ZNF385B: variants seen among roughly 807,000 people sequenced by gnomAD.
ZNF385B encodes the protein zinc finger protein 385B.
A neutral mutation model predicts 39.2 loss-of-function variants in ZNF385B; 23 were observed. That is an observed-to-expected ratio of 0.59 (90% CI 0.42 to 0.83). ZNF385B has a LOEUF of 0.83. Among genes scored for constraint, ZNF385B ranks in the 40% least tolerant of loss-of-function variants. The pLI is 0.00. For synonymous variants in ZNF385B, 205 were observed against 222.6 expected (o/e 0.92, Z 0.70); for missense variants, 552 against 598.9 (o/e 0.92, Z 0.82).
intron 3 of ZNF385B, among the ~76,000 whole-genome samples, chr2:179,622,662 A>C (rs895594174): frequency 1.3e-5 from 2 of 152,324 alleles, no homozygotes; most frequent in South Asian, 4.1e-4. Flanking sequence ...TATAAGAATA[A>C]AAATTTTTAA....
At chr2:179,800,958 C>T (rs902650932) in intron 1 of ZNF385B, among the ~76,000 whole-genome samples, 2 of 151,978 alleles carry the variant, frequency 1.3e-5, no homozygotes, top group Non-Finnish European at 2.9e-5. Flanking sequence ...CATCTGTTAC[C>T]CAATTCATAA....
chr2:179,755,627 G>C (rs1422862097), intron 3 of ZNF385B, among the ~76,000 whole-genome samples: 1 of 152,174 alleles, frequency 6.6e-6, no homozygotes, highest in East Asian at 1.9e-4. Context: ...TGTATTGGGT[G>C]CATATATATT....
At position 179,550,322 on chromosome 2, in the gene ZNF385B, G is replaced by C. The variant is rs2060487801; in HGVS notation, c.299-5353C>G. Among the ~76,000 whole-genome samples the C allele has an allele frequency of 1.3e-5, 2 of 149,360 alleles. 1 individual carries two copies. Among genetic ancestry groups the C allele is most frequent in the African/African-American group, 5.0e-5 (2 of 39,604 alleles). ...GTAATACATGGCTCCCTAGGGCCTG[G>C]TGAGAGTCACTTTGTAATAACAAAC... On this transcript the variant is annotated intron_variant, in intron 3 of 9. Coordinates refer to ENST00000410066, the MANE Select transcript of ZNF385B (RefSeq NM_152520.6).
chr2:179,482,267 A>C (rs1057081144), intron 6 of ZNF385B, among the ~76,000 whole-genome samples: 4 of 152,206 alleles, frequency 2.6e-5, no homozygotes, highest in African/African-American at 7.2e-5. Context: ...TCCTTCAAAA[A>C]TTCTCCAATG....
intron 3 of ZNF385B, among the ~76,000 whole-genome samples, chr2:179,709,423 G>A (rs1190155535): frequency 1.3e-5 from 2 of 152,148 alleles, no homozygotes; most frequent in Admixed American, 1.3e-4. Context: ...AATGGTAGTA[G>A]GGCACCCCCT....
chr2:179,733,444 T>C (rs1701524870), intron 3 of ZNF385B, among the ~76,000 whole-genome samples: 1 of 152,220 alleles, frequency 6.6e-6, no homozygotes, highest in Non-Finnish European at 1.5e-5. Flanking sequence ...TTCTTTTTAA[T>C]GTGAATATAT....
chr2:179,681,922 T>G (rs2106326513), intron 3 of ZNF385B, among the ~76,000 whole-genome samples: 1 of 152,338 alleles, frequency 6.6e-6, no homozygotes, highest in East Asian at 1.9e-4. Context: ...ATGCCTATAA[T>G]CTTGTAAGAT....
chr2:179,519,299 T>G (rs2058318664), intron 4 of ZNF385B, among the ~76,000 whole-genome samples: 1 of 152,226 alleles, frequency 6.6e-6, no homozygotes, highest in Non-Finnish European at 1.5e-5. Context: ...GCACAGAAAG[T>G]ATTGACTGAA....
chr2:179,733,894 G>C (rs554335954), intron 3 of ZNF385B, among the ~76,000 whole-genome samples: 1 of 151,802 alleles, frequency 6.6e-6, no homozygotes, highest in East Asian at 1.9e-4. Context: ...CCATTCCCCA[G>C]TCTCCCATGA....
At chr2:179,568,167 T>A (rs888350451) in intron 3 of ZNF385B, among the ~76,000 whole-genome samples, 4 of 152,286 alleles carry the variant, frequency 2.6e-5, no homozygotes, top group East Asian at 3.9e-4. Flanking sequence ...ACACATCACA[T>A]TCACTCTGTC....
In ZNF385B at chr2:179,782,912, G is replaced by A. The variant is rs565430783; in HGVS notation, c.-154-12240C>T. On this transcript the variant is annotated intron_variant, in intron 1 of 9. Coordinates refer to ENST00000410066, the MANE Select transcript of ZNF385B (RefSeq NM_152520.6). ...CATTCAAATGGCTATACTGCCCAAA[G>A]CAATTTACAGATTCAACGCTATTCC... Among the ~76,000 whole-genome samples, 3 of 152,280 alleles carry A rather than the reference G, an allele frequency of 2.0e-5. No individual in the cohort carries two copies. The South Asian group carries it at 6.2e-4, about 32-fold the overall frequency.
chr2:179,580,318 A>G (rs1049587852), intron 3 of ZNF385B, among the ~76,000 whole-genome samples: 3 of 152,192 alleles, frequency 2.0e-5, no homozygotes, highest in Non-Finnish European at 4.4e-5. Context: ...AGAGTTTAGG[A>G]AGCCACTAAC....
rs555257685 is a variant in ZNF385B at position 179,707,429 on chromosome 2, T to C, written c.298+62074A>G. On this transcript the variant is annotated intron_variant, in intron 3 of 9. Transcript: ENST00000410066. ...GCTGTGGGCTGCAAGGAAGCCTGGCTAAATGAGAGCAACATCCTCACATCT... is the reference window on the plus strand; with the variant it reads ...GCTGTGGGCTGCAAGGAAGCCTGGCCAAATGAGAGCAACATCCTCACATCT... Among the ~76,000 whole-genome samples the C allele has an allele frequency of 5.9e-5, 9 of 152,354 alleles. No individual in the cohort carries two copies. The South Asian group carries it at 1.9e-3, about 32-fold the overall frequency.
In ZNF385B at chr2:179,493,784, C is replaced by CAT. The variant is rs1559338478; in HGVS notation, c.553-10352_553-10351dup. On this transcript the variant is annotated intron_variant, in intron 5 of 9. Transcript: ENST00000410066. Reference sequence around the variant, plus strand: ...ATATGTATACATATATGTATATACACATATGTATACATATATGTATATATA... The same window carrying CAT: ...ATATGTATACATATATGTATATACACATATATGTATACATATATGTATATATA... 9.5e-4 allele frequency among the ~76,000 whole-genome samples: 84 copies of CAT among 88,500 alleles called. 6 individuals are homozygous for CAT. Among genetic ancestry groups the CAT allele is most frequent in the East Asian group, 3.3e-3 (11 of 3,360 alleles). 58.1% of individuals were successfully genotyped at this position (88,500 alleles called of 152,430 possible).
intron 3 of ZNF385B, among the ~76,000 whole-genome samples, chr2:179,575,268 T>C (rs924681530): frequency 6.6e-6 from 1 of 151,952 alleles, no homozygotes; most frequent in African/African-American, 2.4e-5. Context: ...AAAACATATA[T>C]GTAGAAGAAG....
rs374157109 is a variant in ZNF385B, at chr2:179,852,995, T to A, written c.-155+8106A>T. 7.4e-4 allele frequency among the ~76,000 whole-genome samples: 113 copies of A among 152,304 alleles called. 1 individual carries two copies. In the Middle Eastern group the frequency reaches 0.014, roughly 18 times the overall value. ...TCTTCATTTTGAGTCTTAAATATTT[T>A]ACTCCTATGAAAGTTAGATTGACCC... is the stretch of plus-strand genomic sequence containing the variant. On this transcript the variant is annotated intron_variant, in intron 1 of 9. Transcript: ENST00000410066.
chr2:179,696,326 C>CTATTTTTTTTT (rs1698742555), intron 3 of ZNF385B, among the ~76,000 whole-genome samples: 1 of 40,354 alleles, frequency 2.5e-5, no homozygotes, highest in East Asian at 7.9e-4. Flanking sequence ...CAAACTGGGA[C>CTATTTTTTTTT]TTTTTTTTTT....
intron 3 of ZNF385B, among the ~76,000 whole-genome samples, chr2:179,718,529 AAG>A (rs977167802): frequency 1.1e-4 from 16 of 148,014 alleles, no homozygotes; most frequent in Non-Finnish European, 1.9e-4. Flanking sequence ...TATTATCATA[AAG>A]AGAGAGAGAT....
chr2:179,638,883 G>A (rs1411623048), intron 3 of ZNF385B, among the ~76,000 whole-genome samples: 1 of 152,090 alleles, frequency 6.6e-6, no homozygotes, highest in Non-Finnish European at 1.5e-5. Context: ...CACAATTTGA[G>A]TATCAAAATG....
Sources: allele counts gnomAD v4.1 joint callset (sites outside exome capture counted in the v4.1 genomes callset), GRCh38; gene constraint gnomAD v4.1.1; transcripts MANE v1.5; gene names NCBI Gene and HGNC (gene_info 2026-07-23, HGNC 2026-07-21).